NCOA7: variants seen among roughly 807,000 people sequenced by gnomAD.
NCOA7 encodes nuclear receptor coactivator 7.
In NCOA7, 45 loss-of-function variants were observed where a neutral mutation model predicts 104.3. The observed-to-expected ratio is 0.43, with a 90% confidence interval of 0.34 to 0.55. NCOA7 has a LOEUF of 0.55. Among genes scored for constraint, NCOA7 ranks in the 20% least tolerant of loss-of-function variants. NCOA7 has a pLI of 0.02. For missense variants in NCOA7, 1,041 were observed against 1,119.7 expected (o/e 0.93, Z 1.00); for synonymous variants, 398 against 402.3 (o/e 0.99, Z 0.13).
At chr6:125,810,418 T>C (rs2128563998) in intron 1 of NCOA7, 1 of 152,316 alleles carries the variant, frequency 6.6e-6, no homozygotes, top group Non-Finnish European at 1.5e-5. Flanking sequence ...TATCCTGATT[T>C]AAGATTGCAA....
intron 3 of NCOA7, among the ~76,000 whole-genome samples, chr6:125,860,539 G>A (rs187166241): frequency 1.2e-4 from 19 of 152,222 alleles, no homozygotes; most frequent in African/African-American, 4.6e-4. Context: ...GTAGAGACGG[G>A]GTTTCACCAC....
Position 125,824,255 on chromosome 6 carries a change from A to T in NCOA7, c.50+8851A>T, listed in dbSNP as rs192138816. The stretch of plus-strand genomic sequence containing the variant: ...CTGTTTAACCTGAAATCCCAGACTG[A>T]TTGGTCATTCCAAATCCTGGTTCAA... On this transcript the variant is annotated intron_variant, in intron 2 of 15. Coordinates refer to ENST00000392477, the MANE Select transcript of NCOA7 (RefSeq NM_181782.5). Among the ~76,000 whole-genome samples, 51 of 152,316 alleles carry T rather than the reference A, an allele frequency of 3.3e-4. 1 individual carries two copies. Among genetic ancestry groups the T allele is most frequent in the Admixed American group, 2.9e-3 (44 of 15,300 alleles).
chr6:125,886,344 T>G (rs1423370593), intron 8 of NCOA7, among the ~76,000 whole-genome samples: 1 of 152,028 alleles, frequency 6.6e-6, no homozygotes, highest in Non-Finnish European at 1.5e-5. Flanking sequence ...CTGCCAGAAG[T>G]GTCTAAATGG....
chr6:125,805,093 T>C, intron 1 of NCOA7, among the ~76,000 whole-genome samples: 1 of 131,592 alleles, frequency 7.6e-6, no homozygotes, highest in South Asian at 2.6e-4. Flanking sequence ...TGTTCTTTTT[T>C]TTTTTTTTTT....
chr6:125,789,592 GA>G (rs534213837), upstream of NCOA7, among the ~76,000 whole-genome samples: 50 of 148,782 alleles, frequency 3.4e-4, no homozygotes, highest in African/African-American at 7.9e-4. Flanking sequence ...AATGGCTACA[GA>G]AAAAAAAAAT....
chr6:125,905,349 G>A (rs546836649), intron 10 of NCOA7, among the ~76,000 whole-genome samples: 4 of 149,500 alleles, frequency 2.7e-5, no homozygotes, highest in South Asian at 4.2e-4. Context: ...CTATGCCTCC[G>A]GGGTTCAAGT....
chr6:125,788,698 A>ATTTTTTTTTTTTTTTTTTTTTTTTTT (rs60048395), upstream of NCOA7, among the ~76,000 whole-genome samples: 1 of 121,916 alleles, frequency 8.2e-6, no homozygotes. Flanking sequence ...CACCCAGCTA[A>ATTTTTTTTTTTTTTTTTTTTTTTTTT]TTTTTTTTTT....
intron 3 of NCOA7, among the ~76,000 whole-genome samples, chr6:125,856,509 C>T (rs889252447): frequency 9.2e-5 from 14 of 152,138 alleles, no homozygotes; most frequent in Middle Eastern, 6.8e-3. Context: ...CCCGCCACCA[C>T]GCCCGGCTAA....
In NCOA7 at chr6:125,929,347, G is replaced by A. The variant is rs1383342198; in HGVS notation, c.*576G>A. 2.0e-5 allele frequency: 3 copies of A among 151,022 alleles called. No individual in the cohort carries two copies. The highest frequency in any genetic ancestry group is 6.6e-5 in the Admixed American group (1 of 15,170). The allele number at this position is 151,022 out of a possible 1,614,324, so 9.4% of individuals were successfully genotyped here. On this transcript the variant is annotated 3_prime_UTR_variant, in exon 16 of 16. Coordinates refer to ENST00000392477, the MANE Select transcript of NCOA7 (RefSeq NM_181782.5). The stretch of plus-strand genomic sequence containing the variant: ...TGTGTCAAATCTTGAAATATTAAAT[G>A]TATACATTTTGTGCTATGTTTTGGG...
intron 10 of NCOA7, among the ~76,000 whole-genome samples, chr6:125,912,765 C>T (rs564728510): frequency 6.6e-6 from 1 of 152,272 alleles, no homozygotes; most frequent in East Asian, 1.9e-4. Flanking sequence ...GCAAGCCCTG[C>T]CTCAGTTTCC....
intron 2 of NCOA7, among the ~76,000 whole-genome samples, chr6:125,840,680 A>T: frequency 6.6e-6 from 1 of 150,596 alleles, no homozygotes; most frequent in Admixed American, 6.6e-5. Flanking sequence ...TGCCTGGCTA[A>T]ATAAAAAAAA....
chr6:125,852,535 A>G (rs1025644362), intron 2 of NCOA7, among the ~76,000 whole-genome samples: 4 of 152,118 alleles, frequency 2.6e-5, no homozygotes, highest in Admixed American at 2.0e-4. Flanking sequence ...TTTTTGTGGT[A>G]TCAGGTCTTA....
In NCOA7 at chr6:125,854,844, A is replaced by T. The variant is rs1781416377; in HGVS notation, c.51-176A>T. On this transcript the variant is annotated intron_variant, in intron 2 of 15. Coordinates refer to ENST00000392477, the MANE Select transcript of NCOA7 (RefSeq NM_181782.5). ...GAAAGGCCACAGATCTCCATGTAAG[A>T]ATTTGTAAGTTATTGGAAAAGAAAA... is the stretch of plus-strand genomic sequence containing the variant. Among the ~76,000 whole-genome samples, 3 of 152,322 alleles carry T rather than the reference A, an allele frequency of 2.0e-5. No homozygotes were observed. In the South Asian group the frequency reaches 6.2e-4, roughly 32 times the overall value.
At chr6:125,927,259 G>T (rs1322991494) in intron 13 of NCOA7, among the ~76,000 whole-genome samples, 1 of 152,176 alleles carries the variant, frequency 6.6e-6, no homozygotes, top group Non-Finnish European at 1.5e-5. Context: ...TAAGAGATGT[G>T]ACTGTGTTGT....
chr6:125,924,072 T>C (rs1442322618), intron 13 of NCOA7, among the ~76,000 whole-genome samples: 2 of 152,160 alleles, frequency 1.3e-5, no homozygotes, highest in South Asian at 4.1e-4. Flanking sequence ...GATAAAAAAA[T>C]TAAAATAATG....
intron 1 of NCOA7, among the ~76,000 whole-genome samples, chr6:125,781,622 T>C (rs1774231799): frequency 6.6e-6 from 1 of 152,206 alleles, no homozygotes; most frequent in Non-Finnish European, 1.5e-5. Flanking sequence ...TAACTCTTAC[T>C]TAAGGGGTTG....
Position 125,889,961 on chromosome 6 carries a change from G to C in NCOA7, c.1907G>C (p.Arg636Thr). 1 of 1,542,286 alleles carries C rather than the reference G, an allele frequency of 6.5e-7. No individual in the cohort carries two copies. The highest frequency in any genetic ancestry group is 8.7e-7 in the Non-Finnish European group (1 of 1,148,756). Residue 636 changes from arginine (R) to threonine (T), a missense_variant, in exon 9 of 16, where the codon AGA becomes ACA. Around this residue, in one of 2 missense-constraint regions of NCOA7, gnomAD observed 914 missense variants for 942.7 expected, o/e 0.97. Coordinates refer to ENST00000392477, the MANE Select transcript of NCOA7 (RefSeq NM_181782.5). ...GAAGTTCAGTTGTGGCTGTTAAAGAGAATTCAGGTACCCATTGAAGGTAAG... is the reference window on the plus strand; with the variant it reads ...GAAGTTCAGTTGTGGCTGTTAAAGACAATTCAGGTACCCATTGAAGGTAAG... ...KSEVQLWLLK[R>T]IQVPIEDILP...
At chr6:125,841,136 T>C (rs575811) in intron 2 of NCOA7, among the ~76,000 whole-genome samples, 76,442 of 151,192 alleles carry the variant, frequency 0.51, 20,546 homozygotes, top group African/African-American at 0.69. Flanking sequence ...AGAGATCCAC[T>C]GCCTCGGCTT....
chr6:125,910,127 G>T (rs2128682515), intron 10 of NCOA7, among the ~76,000 whole-genome samples: 1 of 152,254 alleles, frequency 6.6e-6, no homozygotes, highest in Non-Finnish European at 1.5e-5. Flanking sequence ...ATTCATCATG[G>T]TCATAGAATG....
Sources: allele counts gnomAD v4.1 joint callset (sites outside exome capture counted in the v4.1 genomes callset), GRCh38; gene constraint gnomAD v4.1.1; regional missense constraint gnomAD v4.1.1; transcripts MANE v1.5; gene names NCBI Gene and HGNC (gene_info 2026-07-23, HGNC 2026-07-21).